Variants in HERC1 observed in about 807,000 individuals in gnomAD.
The protein encoded by HERC1 is probable E3 ubiquitin-protein ligase HERC1.
A neutral mutation model predicts 554.3 loss-of-function variants in HERC1; 160 were observed. That is an observed-to-expected ratio of 0.29 (90% CI 0.25 to 0.33). HERC1 has a LOEUF of 0.33. HERC1 is among the 10% of genes least tolerant of loss of function. HERC1 has a pLI of 1.00. For missense variants in HERC1, 4,919 were observed against 5,918.5 expected, an observed-to-expected ratio of 0.83 and a Z score of 5.54; for synonymous variants, 2,175 against 2,131.7, an observed-to-expected ratio of 1.02 and a Z score of -0.56.
chr15:63,633,813 G>A (rs1176791433), intron 67 of HERC1, 35 bp downstream of exon 67: 1 of 1,600,060 alleles, frequency 6.2e-7, no homozygotes, highest in South Asian at 1.1e-5. Flanking sequence ...AACTATTTAT[G>A]TTGTCTGAAA....
intron 75 of HERC1, 135 bp from the exon 76 acceptor site, chr15:63,616,055 G>C (rs1595820250): frequency 1.4e-6 from 1 of 725,798 alleles, no homozygotes; most frequent in Non-Finnish European, 2.2e-6. Flanking sequence ...AAACAGGTAG[G>C]ACTGATCAGG....
In HERC1 at chr15:63,624,188, G is replaced by A; in HGVS notation, c.13415C>T (p.Pro4472Leu). 6.2e-7 allele frequency: 1 copy of A among 1,613,806 alleles called. No homozygotes were observed. Among genetic ancestry groups the A allele is most frequent in the Non-Finnish European group, 8.5e-7 (1 of 1,179,746 alleles). The change falls in exon 72 of 78, where the codon CCT becomes CTT. Residue 4472 changes from proline to leucine, a missense_variant. Physicochemically the swap from Pro to Leu is moderately conservative, Grantham distance 98 (BLOSUM62 -3). Transcript: ENST00000443617. ...TGATATCCTCTTTACAGTTATCTGAGGTCCATAGTTTTTGCCTTGAACCAT... is the reference window on the plus strand; with the variant it reads ...TGATATCCTCTTTACAGTTATCTGAAGTCCATAGTTTTTGCCTTGAACCAT... ...KTMVQGKNYG[P>L]QITVKRISTR...
At chr15:63,618,320 C>A (rs1487579555) in intron 74 of HERC1, among the ~76,000 whole-genome samples, 1 of 151,992 alleles carries the variant, frequency 6.6e-6, no homozygotes. Flanking sequence ...TGTAGATATG[C>A]GGCATTATTT....
rs35074987 is a variant in HERC1 at position 63,821,726 on chromosome 15, C to CAAAAAAAAAA, written c.-27+12091_-27+12100dup. Among the ~76,000 whole-genome samples the CAAAAAAAAAA allele has an allele frequency of 4.6e-4, 29 of 62,472 alleles. 1 individual carries two copies. Among genetic ancestry groups the CAAAAAAAAAA allele is most frequent in the African/African-American group, 1.6e-3 (23 of 14,338 alleles). The allele number at this position is 62,472 out of a possible 152,430, so 41.0% of individuals were successfully genotyped here. Reference sequence around the variant, plus strand: ...TGGGAGACAGAGTGATACCCTGTCTCAAAAAAAAAAAAAAAAAAAAAAAAT... The same window carrying CAAAAAAAAAA: ...TGGGAGACAGAGTGATACCCTGTCTCAAAAAAAAAAAAAAAAAAAAAAAAAAAAAAAAAAT... On this transcript the variant is annotated intron_variant, in intron 1 of 77. Coordinates refer to ENST00000443617, the MANE Select transcript of HERC1 (RefSeq NM_003922.4).
rs375698720 is a variant in HERC1 at position 63,680,516 on chromosome 15, C to G, written c.6465+21G>C. 1 of 1,610,432 alleles carries G rather than the reference C, an allele frequency of 6.2e-7. No homozygotes were observed. ...AAATAGAAACAAGAAAAATGTAATG[C>G]TTGTGAATGGGTGTCGGTACCTCTC... is the stretch of plus-strand genomic sequence containing the variant. On this transcript the variant is annotated intron_variant, in intron 35 of 77. Coordinates refer to ENST00000443617, the MANE Select transcript of HERC1 (RefSeq NM_003922.4). The surrounding 1 kb of genome is among the most constrained non-coding windows in gnomAD (Gnocchi z 5.8).
rs142673524 is a variant in HERC1 at position 63,660,874 on chromosome 15, A to AAC, written c.9223+97_9223+98dup. On this transcript the variant is annotated intron_variant, in intron 46 of 77. Coordinates refer to ENST00000443617, the MANE Select transcript of HERC1 (RefSeq NM_003922.4). ...TTAAGTTAACATGTACACAAATACA[A>AAC]ACACACACACACACGAAGGTGAATT... The AAC allele has an allele frequency of 8.1e-3, 5,921 of 729,594 alleles. 225 individuals are homozygous for AAC. The African/African-American group carries it at 0.092, about 11-fold the overall frequency. 45.2% of individuals were successfully genotyped at this position (729,594 alleles called of 1,614,324 possible). A position where few individuals can be genotyped will look rare whatever the true frequency, so the allele number is the denominator to read the frequency against.
At chr15:63,786,952 T>G (rs2076472961) in intron 1 of HERC1, among the ~76,000 whole-genome samples, 1 of 150,498 alleles carries the variant, frequency 6.6e-6, no homozygotes, top group Admixed American at 6.6e-5. Context: ...GAGACGGAGT[T>G]TCACTCTTGT....
intron 1 of HERC1, among the ~76,000 whole-genome samples, chr15:63,830,114 A>G (rs1333256388): frequency 2.0e-5 from 3 of 152,342 alleles, no homozygotes; most frequent in South Asian, 4.1e-4. Context: ...TCAATGGGAG[A>G]AAGTTTGAGG....
At chr15:63,656,846 T>C (rs939341543) in intron 48 of HERC1, among the ~76,000 whole-genome samples, 1 of 152,216 alleles carries the variant, frequency 6.6e-6, no homozygotes, top group African/African-American at 2.4e-5. Context: ...TCTTCAATAT[T>C]ATGTTTGTAA....
At position 63,677,518 on chromosome 15, in the gene HERC1, G is replaced by A. The variant is rs1248896003; in HGVS notation, c.7070+327C>T. 6.6e-6 allele frequency among the ~76,000 whole-genome samples: 1 copy of A among 152,182 alleles called. No homozygotes were observed. Among genetic ancestry groups the A allele is most frequent in the Non-Finnish European group, 1.5e-5 (1 of 68,036 alleles). ...CTTTTTACTATGCCAGTGTGTAACA[G>A]AAATGATCAAAATGCAAAAAGCCAA... is the stretch of plus-strand genomic sequence containing the variant. On this transcript the variant is annotated intron_variant, in intron 37 of 77. Transcript: ENST00000443617. The surrounding 1 kb of genome is among the most constrained non-coding windows in gnomAD (Gnocchi z 4.4).
At chr15:63,738,398 A>T (rs2074637545) in intron 12 of HERC1, among the ~76,000 whole-genome samples, 1 of 152,178 alleles carries the variant, frequency 6.6e-6, no homozygotes, top group African/African-American at 2.4e-5. Flanking sequence ...TTCTAATAAG[A>T]TGTTTACTTA....
intron 52 of HERC1, among the ~76,000 whole-genome samples, chr15:63,651,819 G>C (rs34562625): frequency 0.17 from 26,554 of 152,104 alleles, 2,549 homozygotes; most frequent in Middle Eastern, 0.22. Flanking sequence ...AGGCAGATCA[G>C]AAGGTCAGGA....
chr15:63,723,325 G>A lies in HERC1; in HGVS notation c.3599C>T (p.Ala1200Val). The A allele has an allele frequency of 1.3e-6, 2 of 1,590,976 alleles. No individual in the cohort carries two copies. Among genetic ancestry groups the A allele is most frequent in the Non-Finnish European group, 1.7e-6 (2 of 1,168,240 alleles). Reference sequence around the variant, plus strand: ...CTTCTGTTCTTCATTTCCAGAAAGTGCTACTTCTAACAGGCAACTCATACA... The same window carrying A: ...CTTCTGTTCTTCATTTCCAGAAAGTACTACTTCTAACAGGCAACTCATACA... ...DKCMSCLLEV[A>V]LSGNEEQKPF... The change falls in exon 19 of 78, where the codon GCA (alanine) becomes GTA (valine). Residue 1200 changes from alanine to valine, a missense_variant. Physicochemically the swap from Ala to Val is moderately conservative, Grantham distance 64. Around this residue, in one of 11 missense-constraint regions of HERC1, gnomAD observed 1,121 missense variants for 1,244.0 expected, o/e 0.90. Transcript: ENST00000443617.
chr15:63,797,882 A>C (rs977541488), intron 1 of HERC1, among the ~76,000 whole-genome samples: 1 of 152,246 alleles, frequency 6.6e-6, no homozygotes, highest in Admixed American at 6.5e-5. Context: ...TAAACAGTAC[A>C]ACAAGATTAC....
chr15:63,799,451 G>A (rs1271355684), intron 1 of HERC1, among the ~76,000 whole-genome samples: 2 of 151,770 alleles, frequency 1.3e-5, no homozygotes, highest in African/African-American at 4.8e-5. Context: ...CGTGAGCTAT[G>A]ATCGTGCCAC....
At chr15:63,678,709 C>A (rs2071326013) in intron 36 of HERC1, among the ~76,000 whole-genome samples, 1 of 152,174 alleles carries the variant, frequency 6.6e-6, no homozygotes, top group African/African-American at 2.4e-5. Flanking sequence ...TTCTCATCCT[C>A]AAGGCTCCAG....
At position 63,628,752 on chromosome 15, in the gene HERC1, T is replaced by C; in HGVS notation, c.13030A>G (p.Asn4344Asp). 6.2e-7 allele frequency: 1 copy of C among 1,613,994 alleles called. No homozygotes were observed. Among genetic ancestry groups the C allele is most frequent in the African/African-American group, 1.3e-5 (1 of 75,044 alleles). ...CGGCCAGCCGAGATCTGCCGAACAT[T>C]TTTCCCTTGCAGACCTGTTACCAGG... ...PTLVTGLQGK[N>D]VRQISAGRCH... The change falls in exon 70 of 78, where the codon AAT becomes GAT. Residue 4344 changes from asparagine (N) to aspartate (D), a missense_variant. Around this residue, in one of 11 missense-constraint regions of HERC1, gnomAD observed 410 missense variants for 467.0 expected, o/e 0.88. Transcript: ENST00000443617.
chr15:63,611,377 T>C (rs915607537), intron 77 of HERC1, among the ~76,000 whole-genome samples: 3 of 152,222 alleles, frequency 2.0e-5, no homozygotes, highest in African/African-American at 7.2e-5. Flanking sequence ...AAGATGACTC[T>C]GGCAGCAGTG....
rs373104999 is a variant in HERC1, at chr15:63,729,243, T to C, written c.3147A>G (p.Lys1049=). ...ESPWNGSVGE[K]LRDVIYVSAA... is the part of the protein sequence containing the mutation. ...ATGAAATACCAAACTCACCTCTTAA[T>C]TTTTCTCCAACACTGCCATTCCAAG... is the stretch of plus-strand genomic sequence containing the variant. Residue 1049 remains lysine (K), a synonymous_variant, in exon 16 of 78, where the codon AAA becomes AAG. Coordinates refer to ENST00000443617, the MANE Select transcript of HERC1 (RefSeq NM_003922.4). The C allele has an allele frequency of 1.3e-5, 21 of 1,595,608 alleles. No homozygotes were observed. The East Asian group carries it at 2.7e-4, about 20-fold the overall frequency.
Sources: allele counts gnomAD v4.1 joint callset (sites outside exome capture counted in the v4.1 genomes callset), GRCh38; gene constraint gnomAD v4.1.1; regional missense constraint gnomAD v4.1.1; non-coding constraint Gnocchi (gnomAD v3.1); transcripts MANE v1.5; gene names NCBI Gene and HGNC (gene_info 2026-07-23, HGNC 2026-07-21).